The following CDKL4 variants were observed in gnomAD, a reference collection of about 807,000 sequenced individuals.
The protein encoded by CDKL4 is cyclin dependent kinase like 4, also known as cyclin-dependent kinase-like 4.
A neutral mutation model predicts 42.0 loss-of-function variants in CDKL4; 44 were observed. The observed-to-expected ratio is 1.05, with a 90% CI of 0.82 to 1.35. CDKL4 has a LOEUF of 1.35. Among genes scored for constraint, CDKL4 ranks in the 40% most tolerant of loss-of-function variants. The pLI is 0.00. For synonymous variants in CDKL4, 120 were observed against 121.6 expected (o/e 0.99, Z 0.09); for missense variants, 393 against 369.9 (o/e 1.06, Z -0.51).
the CDKL4 span, among the ~76,000 whole-genome samples, chr2:39,168,721 A>AG: frequency 6.6e-6 from 1 of 150,780 alleles, no homozygotes; most frequent in Non-Finnish European, 1.5e-5. Context: ...AAAAAAAAAA[A>AG]AGAGAGAGCC....
chr2:39,213,353 G>C, intron 4 of CDKL4, 47 bp downstream of exon 4: 1 of 1,187,220 alleles, frequency 8.4e-7, no homozygotes, highest in Non-Finnish European at 1.2e-6. Flanking sequence ...TAGAAGAAAA[G>C]AGTCATCATG....
At chr2:39,204,128 C>G (rs925676053) in intron 5 of CDKL4, among the ~76,000 whole-genome samples, 1 of 152,176 alleles carries the variant, frequency 6.6e-6, no homozygotes, top group African/African-American at 2.4e-5. Flanking sequence ...GTCTCACCAG[C>G]TCTGTGAAGT....
chr2:39,229,499 C>G, exon 2 of CDKL4: 1 of 1,608,306 alleles, frequency 6.2e-7, no homozygotes, highest in Non-Finnish European at 8.5e-7. Flanking sequence ...TAAGACCCTT[C>G]TCCAGTCTTA....
At chr2:39,237,306 A>G (rs1474177703) in intron 1 of CDKL4, among the ~76,000 whole-genome samples, 2 of 152,202 alleles carry the variant, frequency 1.3e-5, no homozygotes, top group Non-Finnish European at 2.9e-5. Context: ...AAAACATCAC[A>G]TGATCACCTT....
exon 10 of CDKL4, chr2:39,175,928 G>C (rs1357129328): frequency 2.4e-6 from 1 of 425,426 alleles, no homozygotes; most frequent in Non-Finnish European, 4.8e-6. Flanking sequence ...GAAACACTGA[G>C]AATTCCTATC....
At chr2:39,226,913 G>T (rs1244484144) in intron 2 of CDKL4, among the ~76,000 whole-genome samples, 1 of 152,006 alleles carries the variant, frequency 6.6e-6, no homozygotes, top group Non-Finnish European at 1.5e-5. Context: ...ACTACAGGTG[G>T]GTGCTACCAC....
intron 1 of CDKL4, among the ~76,000 whole-genome samples, chr2:39,233,342 G>T (rs1207270230): frequency 1.3e-5 from 2 of 152,094 alleles, no homozygotes; most frequent in Admixed American, 1.3e-4. Context: ...TGGGTCTCAA[G>T]GTGGCACTAG....
chr2:39,212,283 G>A (rs1042458736), intron 4 of CDKL4, among the ~76,000 whole-genome samples: 5 of 151,242 alleles, frequency 3.3e-5, no homozygotes, highest in Admixed American at 1.3e-4. Context: ...GCCCAGGCTG[G>A]AGTGCAGTGG....
intron 4 of CDKL4, among the ~76,000 whole-genome samples, chr2:39,205,759 CAAAAAA>C: frequency 1.3e-5 from 1 of 78,684 alleles, no homozygotes; most frequent in South Asian, 6.6e-4. Flanking sequence ...GACTCCGTCT[CAAAAAA>C]AAAAAAAAAA....
upstream of CDKL4, among the ~76,000 whole-genome samples, chr2:39,245,409 G>C (rs151319297): frequency 7.2e-4 from 109 of 152,214 alleles, 2 homozygotes; most frequent in East Asian, 0.021. Flanking sequence ...CTGAACATCA[G>C]AAGGAACAAA....
intron 7 of CDKL4, among the ~76,000 whole-genome samples, chr2:39,186,281 G>C (rs1377824748): frequency 1.3e-5 from 2 of 152,110 alleles, no homozygotes; most frequent in Admixed American, 1.3e-4. Flanking sequence ...GATTTAAAAT[G>C]AACAGGGTGT....
At chr2:39,179,087 G>GA in intron 9 of CDKL4, 100 bp downstream of exon 9, 1 of 1,526,140 alleles carries the variant, frequency 6.6e-7, no homozygotes, top group South Asian at 1.4e-5. Flanking sequence ...CAGTACAAAT[G>GA]AAAGGTCTTG....
chr2:39,170,685 G>GACCTCATGATCTGCCC (rs1361457524), downstream of CDKL4, among the ~76,000 whole-genome samples: 1 of 151,962 alleles, frequency 6.6e-6, no homozygotes, highest in African/African-American at 2.4e-5. Flanking sequence ...TCAAACTCCT[G>GACCTCATGATCTGCCC]ACCTCATGAT....
At chr2:39,186,114 G>T (rs550457136) in intron 7 of CDKL4, among the ~76,000 whole-genome samples, 1 of 152,190 alleles carries the variant, frequency 6.6e-6, no homozygotes, top group South Asian at 2.1e-4. Flanking sequence ...TAAGTTTGTT[G>T]TAGTTTATTC....
At chr2:39,226,467 A>ATATATATATATATATAT (rs1558580616) in intron 2 of CDKL4, among the ~76,000 whole-genome samples, 1 of 96,908 alleles carries the variant, frequency 1.0e-5, no homozygotes, top group Non-Finnish European at 2.7e-5. Context: ...TATATATATT[A>ATATATATATATATATAT]TATATATATA....
chr2:39,184,936 T>C (rs1474482392), intron 7 of CDKL4, among the ~76,000 whole-genome samples: 1 of 151,706 alleles, frequency 6.6e-6, no homozygotes, highest in Non-Finnish European at 1.5e-5. Context: ...GGTCTTGCTA[T>C]GTTGCATGAG....
At chr2:39,178,892 G>T in intron 9 of CDKL4, 1 of 1,462,700 alleles carries the variant, frequency 6.8e-7, no homozygotes, top group Non-Finnish European at 9.0e-7. Flanking sequence ...ATATGAAGTT[G>T]TTATATTATG....
chr2:39,171,331 GA>G (rs997404604), downstream of CDKL4, among the ~76,000 whole-genome samples: 2 of 151,468 alleles, frequency 1.3e-5, no homozygotes, highest in Non-Finnish European at 2.9e-5. Flanking sequence ...AATTTAGAAG[GA>G]AAAAAAACAA....
chr2:39,235,745 T>G (rs1679335454), intron 1 of CDKL4, among the ~76,000 whole-genome samples: 1 of 152,092 alleles, frequency 6.6e-6, no homozygotes, highest in Non-Finnish European at 1.5e-5. Context: ...GAGTGAGACC[T>G]TGTATTGAAA....
Sources: allele counts gnomAD v4.1 joint callset (sites outside exome capture counted in the v4.1 genomes callset), GRCh38; gene constraint gnomAD v4.1.1; transcripts MANE v1.5; gene names NCBI Gene and HGNC (gene_info 2026-07-23, HGNC 2026-07-21).